The following GLT6D1 variants were observed in gnomAD, a reference collection of about 807,000 sequenced individuals.
GLT6D1 encodes the protein glycosyltransferase 6 domain containing 1.
In GLT6D1, 9 loss-of-function variants were observed where a neutral mutation model predicts 12.3. The observed-to-expected ratio is 0.73, with a 90% confidence interval of 0.44 to 1.27. The LOEUF (loss-of-function observed/expected upper bound fraction) is 1.27, where lower values mean the gene tolerates loss of function less well. Ranked by LOEUF, GLT6D1 falls within the 50% of genes most tolerant of loss-of-function variation. The probability of loss-of-function intolerance (pLI) is 0.00; values close to 1 mark genes in which losing one functional copy is unlikely to be tolerated. For synonymous variants in GLT6D1, 128 were observed against 132.3 expected (o/e 0.97, Z 0.23); for missense variants, 335 against 346.2 (o/e 0.97, Z 0.26).
At chr9:135,624,724 C>CTTTTTTTTTTTTTTTTTTTTTT (rs72471205) in intron 4 of GLT6D1, 54 bp from the exon 5 acceptor site, 6 of 565,534 alleles carry the variant, frequency 1.1e-5, no homozygotes, top group African/African-American at 3.3e-5. Flanking sequence ...TCTTTTCTTT[C>CTTTTTTTTTTTTTTTTTTTTTT]TTTTTTTTTT....
intron 2 of GLT6D1, among the ~76,000 whole-genome samples, chr9:135,636,375 A>C (rs1833772826): frequency 1.3e-5 from 2 of 152,094 alleles, no homozygotes; most frequent in African/African-American, 4.8e-5. Context: ...AAACAAAAAA[A>C]ACTCCACTCA....
chr9:135,639,715 G>A (rs1833853077), upstream of GLT6D1, among the ~76,000 whole-genome samples: 1 of 152,176 alleles, frequency 6.6e-6, no homozygotes, highest in African/African-American at 2.4e-5. Context: ...ATGGAAGTCT[G>A]GACTCTCACC....
In GLT6D1 at chr9:135,624,559, G is replaced by A. The variant is rs765598857; in HGVS notation, c.369C>T (p.Asp123=). 1 of 1,613,880 alleles carries A rather than the reference G, an allele frequency of 6.2e-7. No individual in the cohort carries two copies. Among genetic ancestry groups the A allele is most frequent in the Non-Finnish European group, 8.5e-7 (1 of 1,180,022 alleles). ...IMVDAFFKLP[D]IEPSPLRTFK... ...ACGTTCGAAGAGGACTGGGCTCTAT[G>A]TCAGGCAGCTTGAAGAAGGCGTCCA... Residue 123 remains aspartate, a synonymous_variant, in exon 5 of 5, where the codon GAC becomes GAT. Transcript: ENST00000371763.
chr9:135,636,522 T>C (rs897693070), intron 2 of GLT6D1, among the ~76,000 whole-genome samples: 2 of 152,218 alleles, frequency 1.3e-5, no homozygotes, highest in Non-Finnish European at 2.9e-5. Flanking sequence ...GCTAATTTTT[T>C]AAATTTACAT....
intron 3 of GLT6D1, among the ~76,000 whole-genome samples, chr9:135,626,545 T>C (rs1279802644): frequency 6.6e-6 from 1 of 152,224 alleles, no homozygotes; most frequent in Non-Finnish European, 1.5e-5. Context: ...TTCCAAGCTC[T>C]GACTACAGCT....
chr9:135,627,345 G>A (rs1369968576), intron 3 of GLT6D1, among the ~76,000 whole-genome samples: 1 of 152,134 alleles, frequency 6.6e-6, no homozygotes, highest in African/African-American at 2.4e-5. Flanking sequence ...CAATGAACAT[G>A]CAGAAAGTAA....
chr9:135,640,971 T>C (rs932733351), upstream of GLT6D1, among the ~76,000 whole-genome samples: 1 of 152,228 alleles, frequency 6.6e-6, no homozygotes, highest in African/African-American at 2.4e-5. Flanking sequence ...TCCCTGGGCA[T>C]GCTACTAGCT....
intron 3 of GLT6D1, among the ~76,000 whole-genome samples, chr9:135,628,502 G>A (rs981722239): frequency 2.6e-5 from 4 of 151,854 alleles, no homozygotes; most frequent in African/African-American, 7.3e-5. Flanking sequence ...ATAGTATTTT[G>A]CTGAAAAGTT....
chr9:135,640,859 C>A (rs1324028588), upstream of GLT6D1, among the ~76,000 whole-genome samples: 1 of 152,074 alleles, frequency 6.6e-6, no homozygotes, highest in Non-Finnish European at 1.5e-5. Flanking sequence ...GGAAACTGAC[C>A]ACCTTTTAAG....
At chr9:135,627,528 C>T (rs1444452518) in intron 3 of GLT6D1, among the ~76,000 whole-genome samples, 1 of 152,138 alleles carries the variant, frequency 6.6e-6, no homozygotes, top group Non-Finnish European at 1.5e-5. Context: ...GAATAATATT[C>T]CATTGGATGG....
intron 2 of GLT6D1, among the ~76,000 whole-genome samples, chr9:135,636,458 A>G (rs1018790108): frequency 1.3e-5 from 2 of 152,212 alleles, no homozygotes; most frequent in Admixed American, 1.3e-4. Flanking sequence ...CATTTGGGAT[A>G]TAGATTATGT....
Position 135,626,217 on chromosome 9 carries a change from A to G in GLT6D1, c.120-11T>C, listed in dbSNP as rs1202217125. Reference sequence around the variant, plus strand: ...ACATCAGGGCGTTTTCTGTGGAACAAGAACCAAGTTAAACAGGGAGTGCTT... The same window carrying G: ...ACATCAGGGCGTTTTCTGTGGAACAGGAACCAAGTTAAACAGGGAGTGCTT... On this transcript the variant is annotated splice_polypyrimidine_tract_variant and intron_variant, in intron 3 of 4. Transcript: ENST00000371763. 1 of 1,613,438 alleles carries G rather than the reference A, an allele frequency of 6.2e-7. No individual in the cohort carries two copies.
intron 2 of GLT6D1, among the ~76,000 whole-genome samples, chr9:135,635,084 C>G (rs577432394): frequency 2.6e-5 from 4 of 152,336 alleles, no homozygotes; most frequent in South Asian, 4.1e-4. Flanking sequence ...TTCCTTCCTT[C>G]TATCCTTCCA....
intron 2 of GLT6D1, among the ~76,000 whole-genome samples, chr9:135,635,123 T>G (rs1198924902): frequency 1.3e-5 from 2 of 152,202 alleles, no homozygotes; most frequent in Non-Finnish European, 2.9e-5. Flanking sequence ...TTCCTTCCTT[T>G]CTTCCTTCTT....
Position 135,624,710 on chromosome 9 carries a change from TTTTTC to T in GLT6D1, c.258-45_258-41del, listed in dbSNP as rs757991946. On this transcript the variant is annotated intron_variant, in intron 4 of 4. Transcript: ENST00000371763. ...GTGGGGAAGAAACTTACTTTTCTCTTTTTTCTTTTCTTTCTTTTTTTTTTTTTTTT... is the reference window on the plus strand; with the variant it reads ...GTGGGGAAGAAACTTACTTTTCTCTTTTTTCTTTCTTTTTTTTTTTTTTTT... The T allele has an allele frequency of 6.8e-5, 81 of 1,184,380 alleles. No homozygotes were observed. The African/African-American group carries it at 1.2e-3, about 18-fold the overall frequency. 73.4% of individuals were successfully genotyped at this position (1,184,380 alleles called of 1,614,324 possible). A position where few individuals can be genotyped will look rare whatever the true frequency, so the allele number is the denominator to read the frequency against.
chr9:135,637,325 G>A lies in GLT6D1; in HGVS notation c.71+1792C>T, dbSNP rs149487930. ...GCATCTAGTATGTTAGTGGTTTGAG[G>A]CATTTATGAATAGAGTTTCTATAAA... On this transcript the variant is annotated intron_variant, in intron 2 of 4. Coordinates refer to ENST00000371763, the MANE Select transcript of GLT6D1 (RefSeq NM_182974.3). Among the ~76,000 whole-genome samples the A allele has an allele frequency of 2.7e-5, 4 of 149,252 alleles. 1 individual carries two copies. In the East Asian group the frequency reaches 7.8e-4, roughly 29 times the overall value.
chr9:135,635,055 A>G (rs1255539811), intron 2 of GLT6D1, among the ~76,000 whole-genome samples: 1 of 151,990 alleles, frequency 6.6e-6, no homozygotes, highest in Non-Finnish European at 1.5e-5. Context: ...CATATGGGAG[A>G]TTTGTCTCTT....
intron 3 of GLT6D1, among the ~76,000 whole-genome samples, chr9:135,628,358 A>C (rs1398921782): frequency 6.6e-6 from 1 of 152,022 alleles, no homozygotes; most frequent in East Asian, 1.9e-4. Context: ...TATATTCTGT[A>C]TTCTATTAAT....
rs746491547 is a variant in GLT6D1, at chr9:135,639,443, C to T, written c.-157G>A. 9.3e-6 allele frequency: 3 copies of T among 323,150 alleles called. No homozygotes were observed. Among genetic ancestry groups the T allele is most frequent in the Non-Finnish European group, 1.1e-5 (2 of 176,294 alleles). 20.0% of individuals were successfully genotyped at this position (323,150 alleles called of 1,614,324 possible). ...CTCCCCGTGTTCACATCAAAGTCTGCGTTGATTGCATGAAAGAAACGCAAT... is the reference window on the plus strand; with the variant it reads ...CTCCCCGTGTTCACATCAAAGTCTGTGTTGATTGCATGAAAGAAACGCAAT... On this transcript the variant is annotated 5_prime_UTR_variant, in exon 1 of 5. Coordinates refer to ENST00000371763, the MANE Select transcript of GLT6D1 (RefSeq NM_182974.3).
Sources: gnomAD v4.1 joint callset for allele counts (sites outside exome capture counted in the v4.1 genomes callset) on GRCh38, gnomAD v4.1.1 for gene constraint, MANE v1.5 for transcripts, NCBI Gene and HGNC (gene_info 2026-07-23, HGNC 2026-07-21) for gene names.